The following ABCB4 variants were observed in gnomAD, a reference collection of about 807,000 sequenced individuals.
ABCB4 encodes ATP binding cassette subfamily B member 4, also known as phosphatidylcholine translocator ABCB4.
In ABCB4, 76 loss-of-function variants were observed where a neutral mutation model predicts 145.7. The observed-to-expected ratio is 0.52, with a 90% CI of 0.43 to 0.63. ABCB4 has a LOEUF of 0.63. Among genes scored for constraint, ABCB4 ranks in the 30% least tolerant of loss-of-function variants. The probability of loss-of-function intolerance (pLI) is 0.00; values close to 1 mark genes in which losing one functional copy is unlikely to be tolerated. For synonymous variants in ABCB4, 517 were observed against 566.8 expected, an observed-to-expected ratio of 0.91 and a Z score of 1.25; for missense variants, 1,234 against 1,553.1, an observed-to-expected ratio of 0.79 and a Z score of 3.45.
chr7:87,372,264 A>C, the ABCB4 span, among the ~76,000 whole-genome samples: 1 of 152,218 alleles, frequency 6.6e-6, no homozygotes, highest in Non-Finnish European at 1.5e-5. Context: ...TGTGTGTTGC[A>C]AACATTTTCT....
chr7:87,408,097 A>G lies in ABCB4; in HGVS notation c.3219T>C (p.Cys1073=). The G allele has an allele frequency of 3.1e-6, 5 of 1,613,778 alleles. No individual in the cohort carries two copies. Among genetic ancestry groups the G allele is most frequent in the Non-Finnish European group, 3.4e-6 (4 of 1,179,982 alleles). ...QTLALVGSSG[C]GKSTVVQLLE... ...GGAGCTGGACCACCGTGCTCTTCCC[A>G]CAGCCACTGCTGCCCACCAGGGCTA... Residue 1073 remains cysteine (C), a synonymous_variant, in exon 25 of 28, where the codon TGT becomes TGC. Coordinates refer to ENST00000649586, the MANE Select transcript of ABCB4 (RefSeq NM_000443.4).
intron 4 of ABCB4, among the ~76,000 whole-genome samples, chr7:87,457,716 C>T (rs1584774081): frequency 6.6e-6 from 1 of 152,126 alleles, no homozygotes; most frequent in Non-Finnish European, 1.5e-5. Context: ...AAGATGAGAA[C>T]AGTAAGGATT....
the ABCB4 span, among the ~76,000 whole-genome samples, chr7:87,373,488 C>T: frequency 6.6e-6 from 1 of 151,894 alleles, no homozygotes; most frequent in African/African-American, 2.4e-5. Context: ...TCTAAGAAAC[C>T]ATTGCCTAAT....
chr7:87,452,717 A>T, intron 6 of ABCB4: 2 of 590,682 alleles, frequency 3.4e-6, no homozygotes, highest in South Asian at 4.0e-5. Flanking sequence ...AAACAGGTAT[A>T]AGATGTGAAT....
At chr7:87,473,385 T>A (rs918495819) in intron 2 of ABCB4, among the ~76,000 whole-genome samples, 6 of 152,210 alleles carry the variant, frequency 3.9e-5, no homozygotes, top group Non-Finnish European at 8.8e-5. Flanking sequence ...CAGCCTGGAC[T>A]CTCTGCTGTT....
chr7:87,426,640 C>G, intron 16 of ABCB4, 110 bp downstream of exon 16: 1 of 1,094,818 alleles, frequency 9.1e-7, no homozygotes. Flanking sequence ...AAGAGTATGG[C>G]TCATAGTAGC....
chr7:87,402,240 G>T lies in ABCB4; in HGVS notation c.3696C>A (p.Arg1232=). 1 of 1,614,070 alleles carries T rather than the reference G, an allele frequency of 6.2e-7. No individual in the cohort carries two copies. Among genetic ancestry groups the T allele is most frequent in the Middle Eastern group, 1.7e-4 (1 of 6,054 alleles). The change falls in exon 28 of 28, where the codon CGC becomes CGA. Residue 1232 remains arginine, a synonymous_variant. Transcript: ENST00000649586. Reference sequence around the variant, plus strand: ...AGTCTGCATTCTGGATGGTGGACAGGCGGTGAGCAATCACAATGCAGGTGC... The same window carrying T: ...AGTCTGCATTCTGGATGGTGGACAGTCGGTGAGCAATCACAATGCAGGTGC... ...EGRTCIVIAH[R]LSTIQNADLI... is the part of the protein sequence containing the mutation.
rs896366705 is a variant in ABCB4 at position 87,471,031 on chromosome 7, T to C, written c.135+1590A>G. On this transcript the variant is annotated intron_variant, in intron 3 of 27. Coordinates refer to ENST00000649586, the MANE Select transcript of ABCB4 (RefSeq NM_000443.4). ...GGCACATATACACCATGGAATACTA[T>C]GCAGCCATAAAAAATGATGAGTTCA... is the stretch of plus-strand genomic sequence containing the variant. Among the ~76,000 whole-genome samples, 60 of 152,234 alleles carry C rather than the reference T, an allele frequency of 3.9e-4. No individual in the cohort carries two copies. The East Asian group carries it at 0.011, about 28-fold the overall frequency.
In ABCB4 at chr7:87,471,108, C is replaced by T. The variant is rs576758520; in HGVS notation, c.135+1513G>A. 1.1e-4 allele frequency among the ~76,000 whole-genome samples: 17 copies of T among 152,010 alleles called. No individual in the cohort carries two copies. In the East Asian group the frequency reaches 1.2e-3, roughly 10 times the overall value. ...CTGGAAACCATCCTCAGCAAACTAT[C>T]GCAAGGACAAAAAACCAAACACCTC... On this transcript the variant is annotated intron_variant, in intron 3 of 27. Transcript: ENST00000649586.
intron 8 of ABCB4, among the ~76,000 whole-genome samples, chr7:87,447,544 G>A (rs1377937979): frequency 6.6e-6 from 1 of 152,316 alleles, no homozygotes; most frequent in East Asian, 1.9e-4. Context: ...GGTTAAGAGG[G>A]AATGAGAGAA....
Position 87,408,029 on chromosome 7 carries a change from G to A in ABCB4, c.3279+8C>T, listed in dbSNP as rs1418371671. On this transcript the variant is annotated splice_region_variant and intron_variant, in intron 25 of 27. Transcript: ENST00000649586. ...GCCTTCAATCAAGTTATAAGGAAAT[G>A]TGCTCACCACTGTCCCCGCCAAGGG... 3 of 1,612,966 alleles carry A rather than the reference G, an allele frequency of 1.9e-6. No individual in the cohort carries two copies. Among genetic ancestry groups the A allele is most frequent in the Non-Finnish European group, 2.5e-6 (3 of 1,180,000 alleles).
the ABCB4 span, among the ~76,000 whole-genome samples, chr7:87,373,463 G>A: frequency 9.9e-5 from 15 of 151,544 alleles, no homozygotes; most frequent in African/African-American, 3.6e-4. Context: ...TGTTACATGT[G>A]CTTTTGGAAT....
chr7:87,431,486 T>C lies in ABCB4; in HGVS notation c.1811A>G (p.Glu604Gly). 1 of 1,614,178 alleles carries C rather than the reference T, an allele frequency of 6.2e-7. No homozygotes were observed. Among genetic ancestry groups the C allele is most frequent in the Admixed American group, 1.7e-5 (1 of 60,024 alleles). ...TCCTTGCTCCACAATTACTCCATCC[T>C]CAAACCCAGCGATGACATCTGCATT... ...VRNADVIAGFEDGVIVEQGSH... is the reference protein window; with the variant it reads ...VRNADVIAGFGDGVIVEQGSH... The change falls in exon 15 of 28, where the codon GAG becomes GGG. Residue 604 changes from glutamate (E) to glycine (G), a missense_variant. Physicochemically the swap from Glu to Gly is moderately conservative, Grantham distance 98. Around this residue, in one of 7 missense-constraint regions of ABCB4, gnomAD observed 321 missense variants for 332.6 expected, o/e 0.97. Coordinates refer to ENST00000649586, the MANE Select transcript of ABCB4 (RefSeq NM_000443.4).
rs142271471 is a variant in ABCB4 at position 87,443,362 on chromosome 7, G to A, written c.1313C>T (p.Thr438Met). 1.8e-4 allele frequency: 292 copies of A among 1,613,904 alleles called. No individual in the cohort carries two copies. Among genetic ancestry groups the A allele is most frequent in the Non-Finnish European group, 2.3e-4 (268 of 1,179,992 alleles). The change falls in exon 12 of 28, where the codon ACG (threonine) becomes ATG (methionine). Residue 438 changes from threonine to methionine, a missense_variant. This residue lies in a region of ABCB4 where 467 missense variants were observed against 632.8 expected (regional missense o/e 0.74). Transcript: ENST00000649586. ...ATAGAGCCTCTGTATCAGCTGGACC[G>A]TTGTGCTCTTCCCACAGCCACTACT... ...VGSSGCGKST[T>M]VQLIQRLYDP... is the part of the protein sequence containing the mutation.
At chr7:87,393,266 C>T in the ABCB4 span, among the ~76,000 whole-genome samples, 1 of 152,050 alleles carries the variant, frequency 6.6e-6, no homozygotes, top group South Asian at 2.1e-4. Flanking sequence ...TCAGATTAGT[C>T]CCTTAGGTGT....
At chr7:87,414,967 A>G (rs1016643990) in intron 21 of ABCB4, among the ~76,000 whole-genome samples, 4 of 152,190 alleles carry the variant, frequency 2.6e-5, no homozygotes. Context: ...TAAAGTTAAT[A>G]AGTAGCAAAG....
At chr7:87,385,892 G>T in the ABCB4 span, among the ~76,000 whole-genome samples, 4 of 152,096 alleles carry the variant, frequency 2.6e-5, no homozygotes, top group Non-Finnish European at 5.9e-5. Flanking sequence ...TATCATGAAG[G>T]TATGTTTAAT....
chr7:87,370,225 C>A, the ABCB4 span, among the ~76,000 whole-genome samples: 2 of 152,024 alleles, frequency 1.3e-5, no homozygotes, highest in East Asian at 3.9e-4. Context: ...GCTTTGTGTC[C>A]AGGCTGGAGT....
intron 12 of ABCB4, 86 bp downstream of exon 12, chr7:87,443,233 C>A (rs147829619): frequency 7.7e-6 from 12 of 1,563,106 alleles, no homozygotes; most frequent in East Asian, 2.2e-5. Flanking sequence ...TGGATTCACA[C>A]GCAAATTTGT....
Sources: gnomAD v4.1 joint callset for allele counts (sites outside exome capture counted in the v4.1 genomes callset) on GRCh38, gnomAD v4.1.1 for gene constraint, gnomAD v4.1.1 regional missense constraint, MANE v1.5 for transcripts, NCBI Gene and HGNC (gene_info 2026-07-23, HGNC 2026-07-21) for gene names.